CLYBL: variants seen among roughly 807,000 people sequenced by gnomAD.
The protein encoded by CLYBL is citramalyl-CoA lyase, also known as citramalyl-CoA lyase, mitochondrial.
A neutral mutation model predicts 38.9 loss-of-function variants in CLYBL; 31 were observed. That is an observed-to-expected ratio of 0.80 (90% confidence interval 0.60 to 1.08). The LOEUF is 1.08. Among genes scored for constraint, CLYBL ranks in the 50% least tolerant of loss-of-function variants. The pLI is 0.00. For synonymous variants in CLYBL, 171 were observed against 158.6 expected (o/e 1.08, Z -0.59); for missense variants, 434 against 411.6 (o/e 1.05, Z -0.47).
At chr13:99,729,454 A>T (rs1271374529) in intron 1 of CLYBL, among the ~76,000 whole-genome samples, 1 of 152,154 alleles carries the variant, frequency 6.6e-6, no homozygotes, top group Non-Finnish European at 1.5e-5. Context: ...TCTCTGAGGC[A>T]TGGTTTCATC....
intron 1 of CLYBL, among the ~76,000 whole-genome samples, chr13:99,741,755 G>A (rs145753772): frequency 0.013 from 1,951 of 152,278 alleles, 30 homozygotes; most frequent in African/African-American, 0.035. Flanking sequence ...GGGATTATAG[G>A]CATGAGCCAC....
intron 1 of CLYBL, among the ~76,000 whole-genome samples, chr13:99,758,188 A>G (rs916262547): frequency 1.3e-5 from 2 of 152,166 alleles, no homozygotes; most frequent in African/African-American, 4.8e-5. Context: ...TGACTATTAT[A>G]TTGAATCCCG....
chr13:99,616,701 A>T (rs1316583173), intron 1 of CLYBL, among the ~76,000 whole-genome samples: 1 of 152,198 alleles, frequency 6.6e-6, no homozygotes, highest in African/African-American at 2.4e-5. Flanking sequence ...CACACCTGTA[A>T]TTCCAGCACT....
At chr13:99,816,132 A>G (rs1476222882) in intron 2 of CLYBL, among the ~76,000 whole-genome samples, 2 of 152,140 alleles carry the variant, frequency 1.3e-5, no homozygotes, top group African/African-American at 4.8e-5. Context: ...TGAAATAGCA[A>G]TTTTCTTTTT....
At chr13:99,829,357 T>G (rs2050759918) in intron 2 of CLYBL, among the ~76,000 whole-genome samples, 1 of 152,172 alleles carries the variant, frequency 6.6e-6, no homozygotes, top group Non-Finnish European at 1.5e-5. Context: ...AAGGAACACG[T>G]TAAGACAGCC....
chr13:99,683,327 A>T (rs1313058295), intron 1 of CLYBL, among the ~76,000 whole-genome samples: 1 of 149,678 alleles, frequency 6.7e-6, no homozygotes, highest in African/African-American at 2.5e-5. Context: ...TGATCCGCTC[A>T]CCTCAGCCTC....
chr13:99,732,956 TA>T (rs1376251220), intron 1 of CLYBL, among the ~76,000 whole-genome samples: 1 of 152,252 alleles, frequency 6.6e-6, no homozygotes, highest in Non-Finnish European at 1.5e-5. Context: ...GCTTTACAAA[TA>T]ATTATTAATG....
At chr13:99,785,679 A>G (rs1425026997) in intron 2 of CLYBL, among the ~76,000 whole-genome samples, 1 of 151,376 alleles carries the variant, frequency 6.6e-6, no homozygotes, top group African/African-American at 2.4e-5. Flanking sequence ...TCACTGCAAC[A>G]TCTGCCTCCC....
chr13:99,891,226 A>G lies in CLYBL; in HGVS notation c.928-92A>G, dbSNP rs983292529. 3 of 924,596 alleles carry G rather than the reference A, an allele frequency of 3.2e-6. No homozygotes were observed. In the Admixed American group the frequency reaches 5.7e-5, roughly 18 times the overall value. 57.3% of individuals were successfully genotyped at this position (924,596 alleles called of 1,614,324 possible). ...GGAAAGTCAGTATAATTCAGGTGGA[A>G]TCTAAAATGTTCTTGTTGCACAAGT... On this transcript the variant is annotated intron_variant, in intron 7 of 8. Transcript: ENST00000339105.
intron 1 of CLYBL, among the ~76,000 whole-genome samples, chr13:99,636,903 C>G (rs951901456): frequency 5.9e-5 from 9 of 151,876 alleles, no homozygotes; most frequent in African/African-American, 2.2e-4. Context: ...TTTTTTTAGA[C>G]TTACTCTCTC....
chr13:99,843,629 C>A (rs568930009), intron 2 of CLYBL, among the ~76,000 whole-genome samples: 106 of 136,918 alleles, frequency 7.7e-4, no homozygotes, highest in Non-Finnish European at 1.2e-3. Context: ...TAAGACAGAG[C>A]CTTGCTCTGT....
chr13:99,675,065 T>A (rs914444053), intron 1 of CLYBL, among the ~76,000 whole-genome samples: 2 of 152,042 alleles, frequency 1.3e-5, no homozygotes, highest in African/African-American at 4.8e-5. Flanking sequence ...AAAACAAAAA[T>A]TGGGCTATTG....
chr13:99,816,252 A>C (rs2050446182), intron 2 of CLYBL, among the ~76,000 whole-genome samples: 1 of 152,238 alleles, frequency 6.6e-6, no homozygotes, highest in Admixed American at 6.5e-5. Context: ...TCATTTGTTT[A>C]ACAAATGAGA....
intron 1 of CLYBL, among the ~76,000 whole-genome samples, chr13:99,704,492 T>G (rs1029166818): frequency 1.3e-5 from 2 of 152,240 alleles, no homozygotes; most frequent in Non-Finnish European, 2.9e-5. Flanking sequence ...GGATGCTAAT[T>G]AGGACTCATA....
intron 2 of CLYBL, among the ~76,000 whole-genome samples, chr13:99,842,385 T>C (rs759678981): frequency 6.6e-6 from 1 of 152,156 alleles, no homozygotes; most frequent in Non-Finnish European, 1.5e-5. Flanking sequence ...CCTTCCTGCT[T>C]CTGCTGTTTT....
intron 1 of CLYBL, among the ~76,000 whole-genome samples, chr13:99,653,776 TC>T (rs2047289212): frequency 6.6e-6 from 1 of 152,220 alleles, no homozygotes; most frequent in South Asian, 2.1e-4. Context: ...GTTCACTTGT[TC>T]CTTCTCCTGC....
chr13:99,703,388 T>C (rs375870752), intron 1 of CLYBL, among the ~76,000 whole-genome samples: 3 of 152,110 alleles, frequency 2.0e-5, no homozygotes, highest in Admixed American at 6.6e-5. Flanking sequence ...GGTTTTTTTT[T>C]GAGATGGAGT....
At chr13:99,695,734 G>A (rs1187676298) in intron 1 of CLYBL, among the ~76,000 whole-genome samples, 1 of 152,098 alleles carries the variant, frequency 6.6e-6, no homozygotes, top group Non-Finnish European at 1.5e-5. Context: ...GGCCAGGCTG[G>A]TCTCGAACTC....
intron 2 of CLYBL, among the ~76,000 whole-genome samples, chr13:99,822,889 C>G (rs993572581): frequency 1.3e-5 from 2 of 152,186 alleles, no homozygotes; most frequent in African/African-American, 4.8e-5. Context: ...TATGGTCAGA[C>G]TGTTATTTCT....
Sources: allele counts gnomAD v4.1 joint callset (sites outside exome capture counted in the v4.1 genomes callset), GRCh38; gene constraint gnomAD v4.1.1; transcripts MANE v1.5; gene names NCBI Gene and HGNC (gene_info 2026-07-23, HGNC 2026-07-21).